Variants in EFNA1 observed in about 807,000 individuals in gnomAD.
The protein encoded by EFNA1 is ephrin A1.
In EFNA1, 8 loss-of-function variants were observed where a neutral mutation model predicts 23.2. That is an observed-to-expected ratio of 0.34 (90% CI 0.20 to 0.62). The LOEUF is 0.62. EFNA1 is among the 20% of genes least tolerant of loss of function. EFNA1 has a pLI of 0.75. For synonymous variants in EFNA1, 89 were observed against 98.6 expected (o/e 0.90, Z 0.58); for missense variants, 217 against 260.0 (o/e 0.83, Z 1.14).
rs767014352 is a variant in EFNA1 at position 155,133,987 on chromosome 1, G to A, written c.538G>A (p.Gly180Ser). The A allele has an allele frequency of 4.3e-6, 7 of 1,614,070 alleles. No homozygotes were observed. The highest frequency in any genetic ancestry group is 1.3e-5 in the African/African-American group (1 of 75,018). ...DPEVRVLHSI[G>S]HSAAPRLFPL... ...AGAGGTGCGGGTTCTACATAGCATC[G>A]GTCACAGTGCTGCCCCACGCCTCTT... Residue 180 changes from glycine (G) to serine (S), a missense_variant, in exon 5 of 5, where the codon GGT (glycine) becomes AGT (serine). Physicochemically the swap from Gly to Ser is moderately conservative, Grantham distance 56 (BLOSUM62 0). Transcript: ENST00000368407.
Position 155,134,118 on chromosome 1 carries a change from A to G in EFNA1, c.*51A>G. The G allele has an allele frequency of 6.4e-7, 1 of 1,571,188 alleles. No individual in the cohort carries two copies. The highest frequency in any genetic ancestry group is 8.7e-7 in the Non-Finnish European group (1 of 1,152,588). ...AGAGGGACAGGCTGAAGAGAGGGAC[A>G]GGCACTCCAAACCTGTCTTGGGGCC... On this transcript the variant is annotated 3_prime_UTR_variant, in exon 5 of 5. Coordinates refer to ENST00000368407, the MANE Select transcript of EFNA1 (RefSeq NM_004428.3).
chr1:155,132,815 A>T (rs1664268270), intron 2 of EFNA1, among the ~76,000 whole-genome samples: 1 of 151,910 alleles, frequency 6.6e-6, no homozygotes, highest in African/African-American at 2.4e-5. Flanking sequence ...TGGGTGACAG[A>T]GGGAGACTCC....
At position 155,131,581 on chromosome 1, in the gene EFNA1, C is replaced by T; in HGVS notation, c.335C>T (p.Thr112Ile). The T allele has an allele frequency of 1.2e-6, 2 of 1,614,038 alleles. No homozygotes were observed. The highest frequency in any genetic ancestry group is 1.7e-6 in the Non-Finnish European group (2 of 1,179,996). The change falls in exon 2 of 5, where the codon ACA becomes ATA. Residue 112 changes from threonine (T) to isoleucine (I), a missense_variant. Transcript: ENST00000368407. ...EKLSEKFQRF[T>I]PFTLGKEFKE... ...CTGTCTGAGAAGTTCCAGCGCTTCA[C>T]ACCTTTCACCCTGGGCAAGGAGTTC...
At chr1:155,128,535 G>C (rs531181669) in intron 1 of EFNA1, among the ~76,000 whole-genome samples, 67 of 152,314 alleles carry the variant, frequency 4.4e-4, no homozygotes, top group African/African-American at 1.5e-3. Context: ...TCTCAGGAGA[G>C]AGCTGGGCTG....
At position 155,134,883 on chromosome 1, in the gene EFNA1, A is replaced by C. The variant is rs1664350323; in HGVS notation, c.*816A>C. On this transcript the variant is annotated 3_prime_UTR_variant, in exon 5 of 5. Coordinates refer to ENST00000368407, the MANE Select transcript of EFNA1 (RefSeq NM_004428.3). ...CATGCTTTTCTGCCACTCCATATTA[A>C]AACATATGACCATTGAGTCCCTGCT... The C allele has an allele frequency of 6.5e-6, 1 of 153,280 alleles. No homozygotes were observed. Among genetic ancestry groups the C allele is most frequent in the East Asian group, 1.9e-4 (1 of 5,344 alleles). 9.5% of individuals were successfully genotyped at this position (153,280 alleles called of 1,614,324 possible). A position where few individuals can be genotyped will look rare whatever the true frequency, so the allele number is the denominator to read the frequency against.
rs1170451758 is a variant in EFNA1, at chr1:155,131,649, G to A, written c.388+15G>A. On this transcript the variant is annotated intron_variant, in intron 2 of 4. Transcript: ENST00000368407. ...CTACTACATCTGTGAGTGCCTGTGA[G>A]GGGACAGTGTCTGTGTTTCTTTTTT... is the stretch of plus-strand genomic sequence containing the variant. 6 of 1,602,992 alleles carry A rather than the reference G, an allele frequency of 3.7e-6. No homozygotes were observed. Among genetic ancestry groups the A allele is most frequent in the East Asian group, 2.2e-5 (1 of 44,580 alleles).
chr1:155,131,694 G>T, intron 2 of EFNA1, 60 bp downstream of exon 2: 7 of 1,560,348 alleles, frequency 4.5e-6, no homozygotes, highest in Non-Finnish European at 6.1e-6. Flanking sequence ...TACATGCTTG[G>T]GTACATGCTT....
rs1212216752 is a variant in EFNA1, at chr1:155,127,899, T to G, written c.-79T>G. 1 of 1,160,200 alleles carries G rather than the reference T, an allele frequency of 8.6e-7. No homozygotes were observed. Among genetic ancestry groups the G allele is most frequent in the African/African-American group, 1.5e-5 (1 of 65,190 alleles). 71.9% of individuals were successfully genotyped at this position (1,160,200 alleles called of 1,614,324 possible). On this transcript the variant is annotated 5_prime_UTR_variant, in exon 1 of 5. Coordinates refer to ENST00000368407, the MANE Select transcript of EFNA1 (RefSeq NM_004428.3). The surrounding 1 kb of genome is among the most constrained non-coding windows in gnomAD (Gnocchi z 4.4). ...CCAGATCTGTGAGCCCAGCGCTGAC[T>G]GCGCCGCGGAGAAAGCCAGTGGGAA...
chr1:155,131,250 G>A, intron 1 of EFNA1, 89 bp from the exon 2 acceptor site: 1 of 1,488,708 alleles, frequency 6.7e-7, no homozygotes, highest in South Asian at 1.3e-5. Context: ...AGTGTGAAAT[G>A]TGAGAGGTCA....
At chr1:155,132,540 G>T (rs185035864) in intron 2 of EFNA1, among the ~76,000 whole-genome samples, 7 of 150,962 alleles carry the variant, frequency 4.6e-5, no homozygotes, top group African/African-American at 1.7e-4. Flanking sequence ...GAACCACCGC[G>T]CATGGCCTGA....
At chr1:155,129,513 CCACACA>C (rs34899613) in intron 1 of EFNA1, 7,122 of 145,890 alleles carry the variant, frequency 0.049, 509 homozygotes, top group African/African-American at 0.17. Flanking sequence ...GACCCTCTGG[CCACACA>C]CACACACACA....
At chr1:155,133,818 AGGG>A (rs768187342) in intron 4 of EFNA1, 38 bp downstream of exon 4, 152 of 1,613,280 alleles carry the variant, frequency 9.4e-5, no homozygotes, top group Non-Finnish European at 1.2e-4. Flanking sequence ...GGGCACAGGA[AGGG>A]GTCTGCTTGA....
At position 155,127,891 on chromosome 1, in the gene EFNA1, G is replaced by T; in HGVS notation, c.-87G>T. 9.4e-7 allele frequency: 1 copy of T among 1,069,292 alleles called. No homozygotes were observed. The highest frequency in any genetic ancestry group is 1.4e-6 in the Non-Finnish European group (1 of 733,996). The allele number at this position is 1,069,292 out of a possible 1,614,324, so 66.2% of individuals were successfully genotyped here. ...CGAAGGGGCCAGATCTGTGAGCCCAGCGCTGACTGCGCCGCGGAGAAAGCC... is the reference window on the plus strand; with the variant it reads ...CGAAGGGGCCAGATCTGTGAGCCCATCGCTGACTGCGCCGCGGAGAAAGCC... On this transcript the variant is annotated 5_prime_UTR_variant, in exon 1 of 5. Coordinates refer to ENST00000368407, the MANE Select transcript of EFNA1 (RefSeq NM_004428.3). This position sits in a 1 kb window ranked among gnomAD's most constrained non-coding sequence, Gnocchi z 4.4.
chr1:155,127,921 G>T lies in EFNA1; in HGVS notation c.-57G>T. 1 of 1,405,540 alleles carries T rather than the reference G, an allele frequency of 7.1e-7. No homozygotes were observed. The highest frequency in any genetic ancestry group is 9.9e-7 in the Non-Finnish European group (1 of 1,009,462). The allele number at this position is 1,405,540 out of a possible 1,614,324, so 87.1% of individuals were successfully genotyped here. ...GACTGCGCCGCGGAGAAAGCCAGTGGGAACCCAGACCCATAGGAGACCCGC... is the reference window on the plus strand; with the variant it reads ...GACTGCGCCGCGGAGAAAGCCAGTGTGAACCCAGACCCATAGGAGACCCGC... On this transcript the variant is annotated 5_prime_UTR_variant, in exon 1 of 5. Transcript: ENST00000368407. The surrounding 1 kb of genome is among the most constrained non-coding windows in gnomAD (Gnocchi z 4.4).
At chr1:155,133,108 A>C (rs1156337344) in intron 2 of EFNA1, among the ~76,000 whole-genome samples, 2 of 151,824 alleles carry the variant, frequency 1.3e-5, no homozygotes, top group Admixed American at 1.3e-4. Flanking sequence ...ACGGGGTTTC[A>C]CCATATTGGC....
At chr1:155,130,924 G>C in intron 1 of EFNA1, 2 of 985,360 alleles carry the variant, frequency 2.0e-6, no homozygotes, top group Non-Finnish European at 2.4e-6. Context: ...ATGGACCTGT[G>C]GGGGTCTCAG....
At chr1:155,132,789 C>T (rs571345970) in intron 2 of EFNA1, among the ~76,000 whole-genome samples, 2 of 151,960 alleles carry the variant, frequency 1.3e-5, no homozygotes, top group East Asian at 4.0e-4. Context: ...CGAGATCACA[C>T]CATTGTACTC....
chr1:155,127,931 C>T lies in EFNA1; in HGVS notation c.-47C>T. On this transcript the variant is annotated 5_prime_UTR_variant, in exon 1 of 5. Coordinates refer to ENST00000368407, the MANE Select transcript of EFNA1 (RefSeq NM_004428.3). The surrounding 1 kb of genome is among the most constrained non-coding windows in gnomAD (Gnocchi z 4.4). ...CGGAGAAAGCCAGTGGGAACCCAGA[C>T]CCATAGGAGACCCGCGTCCCCGCTC... is the stretch of plus-strand genomic sequence containing the variant. 1 of 1,493,814 alleles carries T rather than the reference C, an allele frequency of 6.7e-7. No homozygotes were observed. Among genetic ancestry groups the T allele is most frequent in the Non-Finnish European group, 9.3e-7 (1 of 1,079,712 alleles). The allele number at this position is 1,493,814 out of a possible 1,614,324, so 92.5% of individuals were successfully genotyped here.
Position 155,134,301 on chromosome 1 carries a change from AAGTGG to A in EFNA1, c.*237_*241del. 1 of 564,180 alleles carries A rather than the reference AAGTGG, an allele frequency of 1.8e-6. No individual in the cohort carries two copies. The highest frequency in any genetic ancestry group is 3.2e-6 in the Non-Finnish European group (1 of 313,342). 34.9% of individuals were successfully genotyped at this position (564,180 alleles called of 1,614,324 possible). On this transcript the variant is annotated 3_prime_UTR_variant, in exon 5 of 5. Coordinates refer to ENST00000368407, the MANE Select transcript of EFNA1 (RefSeq NM_004428.3). ...CTTCACCTCGGAGGGATGGAGAAAG[AAGTGG>A]AGACAGTCCTTTCCCACCATTCCTG...
Sources: gnomAD v4.1 joint callset for allele counts (sites outside exome capture counted in the v4.1 genomes callset) on GRCh38, gnomAD v4.1.1 for gene constraint, Gnocchi (gnomAD v3.1) non-coding constraint, MANE v1.5 for transcripts, NCBI Gene and HGNC (gene_info 2026-07-23, HGNC 2026-07-21) for gene names.